Variants in ABHD2 observed in about 807,000 individuals in gnomAD.
ABHD2 encodes monoacylglycerol lipase ABHD2.
ABHD2 carries 20 observed loss-of-function variants against 48.1 expected under a neutral mutation model. That is an observed-to-expected ratio of 0.42 (90% CI 0.29 to 0.60). The LOEUF (loss-of-function observed/expected upper bound fraction) is 0.60, where lower values mean the gene tolerates loss of function less well. ABHD2 is among the 20% of genes least tolerant of loss of function. ABHD2 has a pLI of 0.24. For missense variants in ABHD2, 405 were observed against 550.9 expected (o/e 0.74, Z 2.65); for synonymous variants, 209 against 214.2 (o/e 0.98, Z 0.21).
the ABHD2 span, among the ~76,000 whole-genome samples, chr15:89,073,675 G>A: frequency 6.6e-6 from 1 of 152,128 alleles, no homozygotes; most frequent in African/African-American, 2.4e-5. Context: ...CTAACCATGC[G>A]AAGCATCTCG....
Position 89,166,785 on chromosome 15 carries a change from G to A in ABHD2, c.539-9027G>A, listed in dbSNP as rs1036165677. ...ATGCCACTGCACAGCCTGAGCTACA[G>A]AGTGAGACCCTATCTCTTAAAACAA... On this transcript the variant is annotated intron_variant, in intron 5 of 10. Coordinates refer to ENST00000352732, the MANE Select transcript of ABHD2 (RefSeq NM_152924.5). This position sits in a 1 kb window ranked among gnomAD's most constrained non-coding sequence, Gnocchi z 4.6. 3.9e-5 allele frequency among the ~76,000 whole-genome samples: 6 copies of A among 152,212 alleles called. No individual in the cohort carries two copies. Among genetic ancestry groups the A allele is most frequent in the Non-Finnish European group, 8.8e-5 (6 of 68,034 alleles).
At chr15:89,108,022 A>G (rs954669444) in intron 1 of ABHD2, among the ~76,000 whole-genome samples, 1 of 152,192 alleles carries the variant, frequency 6.6e-6, no homozygotes, top group African/African-American at 2.4e-5. Flanking sequence ...TATTATGTTA[A>G]GAAGTCATCT....
rs564677276 is a variant in ABHD2, at chr15:89,148,004, A to C, written c.195-3673A>C. ...TGATGACATGCGTGCCTGTAATCTG[A>C]GCTTCTAGGGAGGCTGAGGCAAGAG... is the stretch of plus-strand genomic sequence containing the variant. On this transcript the variant is annotated intron_variant, in intron 3 of 10. Coordinates refer to ENST00000352732, the MANE Select transcript of ABHD2 (RefSeq NM_152924.5). Among the ~76,000 whole-genome samples, 146 of 149,982 alleles carry C rather than the reference A, an allele frequency of 9.7e-4. 2 individuals are homozygous for C. The highest frequency in any genetic ancestry group is 1.8e-3 in the Admixed American group (27 of 14,926).
the ABHD2 span, among the ~76,000 whole-genome samples, chr15:89,077,620 C>T: frequency 3.9e-5 from 6 of 152,096 alleles, no homozygotes; most frequent in African/African-American, 1.4e-4. Context: ...ATCATATTCA[C>T]CCTGTGGAGT....
At chr15:89,144,508 G>C (rs184051343) in intron 3 of ABHD2, among the ~76,000 whole-genome samples, 1 of 152,152 alleles carries the variant, frequency 6.6e-6, no homozygotes, top group Non-Finnish European at 1.5e-5. Flanking sequence ...CTATTCAGCC[G>C]TAAAAAGGAA....
At chr15:89,145,965 C>T (rs994075660) in intron 3 of ABHD2, among the ~76,000 whole-genome samples, 1 of 152,156 alleles carries the variant, frequency 6.6e-6, no homozygotes, top group Admixed American at 6.5e-5. Context: ...TTGCTTTAAG[C>T]AATGCATCCT....
Position 89,151,329 on chromosome 15 carries a change from C to G in ABHD2, c.195-348C>G, listed in dbSNP as rs2050588268. Reference sequence around the variant, plus strand: ...ATACATCAGCTCCTTTAATAATGAGCTAACCTGTCAAGTTAGAATGTGTTC... The same window carrying G: ...ATACATCAGCTCCTTTAATAATGAGGTAACCTGTCAAGTTAGAATGTGTTC... On this transcript the variant is annotated intron_variant, in intron 3 of 10. Transcript: ENST00000352732. The surrounding 1 kb of genome is among the most constrained non-coding windows in gnomAD (Gnocchi z 4.7). Among the ~76,000 whole-genome samples the G allele has an allele frequency of 1.3e-5, 2 of 152,200 alleles. No homozygotes were observed. Among genetic ancestry groups the G allele is most frequent in the South Asian group, 4.1e-4 (2 of 4,830 alleles).
chr15:89,183,331 G>A (rs1367629285), intron 6 of ABHD2: 2 of 122,408 alleles, frequency 1.6e-5, no homozygotes, highest in Admixed American at 1.1e-4. Context: ...CTGCCTTTCA[G>A]TTTGCTGTTG....
Position 89,088,855 on chromosome 15 carries a change from T to G in ABHD2, c.-107+292T>G, listed in dbSNP as rs1195701804. Among the ~76,000 whole-genome samples the G allele has an allele frequency of 6.6e-6, 1 of 152,124 alleles. No homozygotes were observed. Among genetic ancestry groups the G allele is most frequent in the Non-Finnish European group, 1.5e-5 (1 of 68,006 alleles). On this transcript the variant is annotated intron_variant, in intron 1 of 10. Coordinates refer to ENST00000352732, the MANE Select transcript of ABHD2 (RefSeq NM_152924.5). The surrounding 1 kb of genome is among the most constrained non-coding windows in gnomAD (Gnocchi z 6.8). ...CCGACCGCGGCCTTTCCCCCATTGG[T>G]GCTCACTCCTGGGTCTTCAGGGGCC...
the ABHD2 span, among the ~76,000 whole-genome samples, chr15:89,043,312 G>A: frequency 2.2e-3 from 328 of 152,338 alleles, 3 homozygotes; most frequent in African/African-American, 7.6e-3. Context: ...TGTAGTCCCA[G>A]CTACTGAGGA....
rs576305928 is a variant in ABHD2, at chr15:89,184,471, T to C, written c.723-953T>C. On this transcript the variant is annotated intron_variant, in intron 6 of 10. Transcript: ENST00000352732. The surrounding 1 kb of genome is among the most constrained non-coding windows in gnomAD (Gnocchi z 5.1). ...GATTTTGAAACGTGCAAGATAAAAG[T>C]TTCCCTGTAATGAGTGTGGACTCAG... Among the ~76,000 whole-genome samples, 1 of 152,230 alleles carries C rather than the reference T, an allele frequency of 6.6e-6. No homozygotes were observed. Among genetic ancestry groups the C allele is most frequent in the East Asian group, 1.9e-4 (1 of 5,180 alleles).
rs143130282 is a variant in ABHD2 at position 89,178,079 on chromosome 15, G to A, written c.722+2084G>A. 3.5e-3 allele frequency among the ~76,000 whole-genome samples: 535 copies of A among 152,274 alleles called. 2 individuals are homozygous for A. The highest frequency in any genetic ancestry group is 5.5e-3 in the Non-Finnish European group (371 of 68,008). Reference sequence around the variant, plus strand: ...AGCCTCTTCCTTGAGACCTCAGAGGGCTTCATACACATAACTAACTATTGG... The same window carrying A: ...AGCCTCTTCCTTGAGACCTCAGAGGACTTCATACACATAACTAACTATTGG... On this transcript the variant is annotated intron_variant, in intron 6 of 10. Coordinates refer to ENST00000352732, the MANE Select transcript of ABHD2 (RefSeq NM_152924.5).
At chr15:89,073,638 G>C in the ABHD2 span, among the ~76,000 whole-genome samples, 4 of 152,072 alleles carry the variant, frequency 2.6e-5, no homozygotes, top group Non-Finnish European at 4.4e-5. Flanking sequence ...TTGGAAACTA[G>C]TGGCCTCACG....
chr15:89,056,054 T>G, the ABHD2 span, among the ~76,000 whole-genome samples: 2 of 152,064 alleles, frequency 1.3e-5, no homozygotes, highest in Non-Finnish European at 2.9e-5. Context: ...AGTCTGCCTA[T>G]GTTGCACAGG....
At chr15:89,052,554 G>GACACACACACAC in the ABHD2 span, among the ~76,000 whole-genome samples, 1 of 118,630 alleles carries the variant, frequency 8.4e-6, no homozygotes, top group South Asian at 2.7e-4. Flanking sequence ...CAGACAGACA[G>GACACACACACAC]ACAGACACAC....
In ABHD2 at chr15:89,201,773, C is replaced by G; in HGVS notation, c.*6350C>G. ...GGTCGAGGACCAGGATCTGCTCGTG[C>G]TTCGCCGTGGCCCCGGAGGCAGACG... On this transcript the variant is annotated 3_prime_UTR_variant, in exon 11 of 11. Transcript: ENST00000352732. The G allele has an allele frequency of 6.6e-7, 1 of 1,510,166 alleles. No individual in the cohort carries two copies. The highest frequency in any genetic ancestry group is 9.2e-7 in the Non-Finnish European group (1 of 1,087,408). 93.5% of individuals were successfully genotyped at this position (1,510,166 alleles called of 1,614,324 possible).
rs2049846045 is a variant in ABHD2 at position 89,109,871 on chromosome 15, T to G, written c.-106-3854T>G. Among the ~76,000 whole-genome samples, 7 of 152,280 alleles carry G rather than the reference T, an allele frequency of 4.6e-5. No homozygotes were observed. In the South Asian group the frequency reaches 1.4e-3, roughly 32 times the overall value. Reference sequence around the variant, plus strand: ...TCCTGTATATCCTTGGGGAAATAGTTCCAGTTCCCCTGCAGATACCAAACC... The same window carrying G: ...TCCTGTATATCCTTGGGGAAATAGTGCCAGTTCCCCTGCAGATACCAAACC... On this transcript the variant is annotated intron_variant, in intron 1 of 10. Transcript: ENST00000352732.
chr15:89,097,365 C>G lies in ABHD2; in HGVS notation c.-107+8802C>G, dbSNP rs1186494331. On this transcript the variant is annotated intron_variant, in intron 1 of 10. Coordinates refer to ENST00000352732, the MANE Select transcript of ABHD2 (RefSeq NM_152924.5). This position sits in a 1 kb window ranked among gnomAD's most constrained non-coding sequence, Gnocchi z 4.2. ...CTCCTTTGTTAAACACCCATTATTA[C>G]TCTTTGAAAAATTAACACTAATCCT... Among the ~76,000 whole-genome samples the G allele has an allele frequency of 2.6e-5, 4 of 152,160 alleles. No homozygotes were observed. The highest frequency in any genetic ancestry group is 6.5e-5 in the Admixed American group (1 of 15,276).
At position 89,177,272 on chromosome 15, in the gene ABHD2, G is replaced by A. The variant is rs1269140801; in HGVS notation, c.722+1277G>A. 2.0e-5 allele frequency among the ~76,000 whole-genome samples: 3 copies of A among 152,218 alleles called. No homozygotes were observed. Among genetic ancestry groups the A allele is most frequent in the Admixed American group, 6.5e-5 (1 of 15,282 alleles). On this transcript the variant is annotated intron_variant, in intron 6 of 10. Transcript: ENST00000352732. The surrounding 1 kb of genome is among the most constrained non-coding windows in gnomAD (Gnocchi z 5.6). ...TGTGAAGTGCTTAGAACAGTGCCCA[G>A]CACGCAGAACGTAAGCCACTGTTCA...
Sources: gnomAD v4.1 joint callset for allele counts (sites outside exome capture counted in the v4.1 genomes callset) on GRCh38, gnomAD v4.1.1 for gene constraint, Gnocchi (gnomAD v3.1) non-coding constraint, MANE v1.5 for transcripts, NCBI Gene and HGNC (gene_info 2026-07-23, HGNC 2026-07-21) for gene names.